Variants in RALYL observed in about 807,000 individuals in gnomAD.
RALYL encodes RNA-binding Raly-like protein.
A neutral mutation model predicts 35.1 loss-of-function variants in RALYL; 29 were observed. The ratio of observed to expected loss-of-function variants is 0.83; its 90% CI spans 0.61 to 1.13. The LOEUF is 1.13. Ranked by LOEUF, RALYL falls within the 50% of genes most tolerant of loss-of-function variation. The pLI is 0.00. For synonymous variants in RALYL, 120 were observed against 127.6 expected, an observed-to-expected ratio of 0.94 and a Z score of 0.40; for missense variants, 359 against 360.4, an observed-to-expected ratio of 1.00 and a Z score of 0.03.
At chr8:84,388,435 T>A (rs912721941) in intron 1 of RALYL, among the ~76,000 whole-genome samples, 3 of 152,300 alleles carry the variant, frequency 2.0e-5, no homozygotes, top group African/African-American at 7.2e-5. Context: ...TCCACAATGG[T>A]TGAACAGTTT....
At chr8:84,514,900 T>C (rs2057935905) in intron 1 of RALYL, among the ~76,000 whole-genome samples, 1 of 152,170 alleles carries the variant, frequency 6.6e-6, no homozygotes, top group Admixed American at 6.5e-5. Context: ...GTTCTAGCAG[T>C]TGGTTCCCTA....
chr8:84,630,583 A>G (rs1823706961), intron 2 of RALYL, among the ~76,000 whole-genome samples: 3 of 152,020 alleles, frequency 2.0e-5, no homozygotes, highest in African/African-American at 7.2e-5. Flanking sequence ...TAGGACGTTG[A>G]GGAAACTGAA....
At chr8:84,534,613 G>A (rs774771056) in intron 2 of RALYL, among the ~76,000 whole-genome samples, 3 of 152,082 alleles carry the variant, frequency 2.0e-5, no homozygotes, top group Non-Finnish European at 2.9e-5. Flanking sequence ...ATGGTTAGTA[G>A]GAGGAATGGA....
intron 3 of RALYL, among the ~76,000 whole-genome samples, chr8:84,785,438 T>C (rs2133778457): frequency 6.6e-6 from 1 of 152,320 alleles, no homozygotes; most frequent in African/African-American, 2.4e-5. Flanking sequence ...CCTCTTACTT[T>C]ATTTCCATTT....
intron 2 of RALYL, among the ~76,000 whole-genome samples, chr8:84,731,125 G>A (rs1257669163): frequency 1.3e-5 from 2 of 152,078 alleles, no homozygotes; most frequent in African/African-American, 4.8e-5. Flanking sequence ...TACTTTTTAT[G>A]ATAACTCTAT....
chr8:84,312,325 C>T (rs1842967746), intron 1 of RALYL, among the ~76,000 whole-genome samples: 1 of 152,054 alleles, frequency 6.6e-6, no homozygotes, highest in Non-Finnish European at 1.5e-5. Flanking sequence ...CATATTATTC[C>T]ACCTTGGCTC....
intron 2 of RALYL, among the ~76,000 whole-genome samples, chr8:84,751,111 A>G (rs938869255): frequency 1.3e-5 from 2 of 152,120 alleles, no homozygotes; most frequent in African/African-American, 4.8e-5. Context: ...AGTATGAGTG[A>G]TGGCTTTAGC....
At chr8:84,826,861 C>T (rs567184002) in intron 4 of RALYL, among the ~76,000 whole-genome samples, 3 of 152,102 alleles carry the variant, frequency 2.0e-5, no homozygotes, top group East Asian at 3.9e-4. Context: ...AGGAAAGAAT[C>T]ACCAGACATT....
chr8:84,449,372 G>A (rs2049205465), intron 1 of RALYL, among the ~76,000 whole-genome samples: 1 of 151,910 alleles, frequency 6.6e-6, no homozygotes, highest in Admixed American at 6.6e-5. Flanking sequence ...AAAAGAAAAA[G>A]CACAGGATCC....
intron 1 of RALYL, among the ~76,000 whole-genome samples, chr8:84,445,605 A>G (rs922167529): frequency 1.3e-5 from 2 of 151,824 alleles, no homozygotes; most frequent in Admixed American, 1.3e-4. Flanking sequence ...AACAAAAAAA[A>G]GAATGGTTAA....
At chr8:84,796,225 T>C (rs1821878072) in intron 3 of RALYL, among the ~76,000 whole-genome samples, 1 of 152,196 alleles carries the variant, frequency 6.6e-6, no homozygotes, top group Non-Finnish European at 1.5e-5. Context: ...TTCCTCCTAA[T>C]AAATCTTTTG....
intron 1 of RALYL, among the ~76,000 whole-genome samples, chr8:84,278,942 A>G (rs1377746833): frequency 6.6e-6 from 1 of 152,194 alleles, no homozygotes; most frequent in Non-Finnish European, 1.5e-5. Context: ...AGGTATCTTT[A>G]TAGTAGCACC....
intron 2 of RALYL, among the ~76,000 whole-genome samples, chr8:84,685,802 T>C (rs927966919): frequency 3.9e-5 from 6 of 152,178 alleles, no homozygotes; most frequent in Non-Finnish European, 8.8e-5. Context: ...AAGAAACACA[T>C]ACATGATACA....
At chr8:84,806,896 AGCCACCT>A (rs1824763916) in intron 4 of RALYL, among the ~76,000 whole-genome samples, 1 of 152,074 alleles carries the variant, frequency 6.6e-6, no homozygotes, top group African/African-American at 2.4e-5. Flanking sequence ...CTCTAGTCCT[AGCCACCT>A]GGGGGGCTGA....
At chr8:84,211,944 C>T (rs1022618672) in intron 1 of RALYL, among the ~76,000 whole-genome samples, 9 of 152,072 alleles carry the variant, frequency 5.9e-5, no homozygotes, top group East Asian at 1.9e-4. Flanking sequence ...CGAATTGTAT[C>T]GCCTTTAATA....
chr8:84,733,010 T>G (rs1022193151), intron 2 of RALYL, among the ~76,000 whole-genome samples: 14 of 152,036 alleles, frequency 9.2e-5, no homozygotes, highest in African/African-American at 3.1e-4. Flanking sequence ...TAATTATTTT[T>G]GAAAATTAGT....
chr8:84,648,144 C>T (rs77364729), intron 2 of RALYL, among the ~76,000 whole-genome samples: 1,725 of 152,078 alleles, frequency 0.011, 26 homozygotes, highest in Non-Finnish European at 0.016. Flanking sequence ...ACGACATTGC[C>T]GCTTCATTCT....
intron 1 of RALYL, among the ~76,000 whole-genome samples, chr8:84,235,761 C>CTTTTTTTTTTTT (rs200486763): frequency 9.4e-5 from 13 of 138,210 alleles, no homozygotes; most frequent in African/African-American, 2.2e-4. Context: ...TTTTCTTTTT[C>CTTTTTTTTTTTT]TTTTTCTTTT....
At chr8:84,286,072 A>G (rs992633650) in intron 1 of RALYL, among the ~76,000 whole-genome samples, 1 of 152,114 alleles carries the variant, frequency 6.6e-6, no homozygotes, top group African/African-American at 2.4e-5. Context: ...ACACATTGAC[A>G]GTTTAACTGG....
Sources: allele counts gnomAD v4.1 joint callset (sites outside exome capture counted in the v4.1 genomes callset), GRCh38; gene constraint gnomAD v4.1.1; transcripts MANE v1.5; gene names NCBI Gene and HGNC (gene_info 2026-07-23, HGNC 2026-07-21).